Variants in CASP8 observed in about 807,000 individuals in gnomAD.
CASP8 encodes caspase 8.
Under a neutral mutation model 46.3 loss-of-function variants are expected in CASP8, and 24 were observed. The ratio of observed to expected loss-of-function variants is 0.52; its 90% CI spans 0.38 to 0.73. The LOEUF (loss-of-function observed/expected upper bound fraction) is 0.73. Among genes scored for constraint, CASP8 ranks in the 30% least tolerant of loss-of-function variants. The pLI, the probability that CASP8 is intolerant of heterozygous loss-of-function variation, is 0.00. For missense variants in CASP8, 460 were observed against 559.0 expected, an observed-to-expected ratio of 0.82 and a Z score of 1.79; for synonymous variants, 188 against 200.4, an observed-to-expected ratio of 0.94 and a Z score of 0.52.
chr2:201,282,592 G>A (rs1332603689), intron 7 of CASP8, among the ~76,000 whole-genome samples: 6 of 97,738 alleles, frequency 6.1e-5, no homozygotes, highest in East Asian at 3.2e-4. Flanking sequence ...CCTCCCGGAC[G>A]GGGCGGCTGG....
chr2:201,257,096 G>C (rs1947055124), upstream of CASP8, among the ~76,000 whole-genome samples: 1 of 152,026 alleles, frequency 6.6e-6, no homozygotes, highest in Non-Finnish European at 1.5e-5. Context: ...TGTGAGCCGA[G>C]ATGGCACCAT....
upstream of CASP8, among the ~76,000 whole-genome samples, chr2:201,258,609 T>A (rs1038706845): frequency 2.6e-5 from 4 of 152,190 alleles, no homozygotes; most frequent in Non-Finnish European, 5.9e-5. Context: ...GTTCCTCTGC[T>A]ACCTTTTTGT....
intron 1 of CASP8, among the ~76,000 whole-genome samples, chr2:201,263,093 C>G (rs76328633): frequency 6.6e-5 from 10 of 152,106 alleles, no homozygotes; most frequent in African/African-American, 1.9e-4. Flanking sequence ...GAGGACGGAG[C>G]TATGCGCCAA....
rs139904389 is a variant in CASP8, at chr2:201,251,320, C to T, written c.-26-15141C>T. ...GCGGTAAGCATATGCTTTGGCCAGG[C>T]GCGGTGGCTCATGACTGTGATCCCA... On this transcript the variant is annotated intron_variant, in intron 2 of 6. Coordinates refer to the CASP8 transcript ENST00000264274. 6.9e-3 allele frequency among the ~76,000 whole-genome samples: 1,044 copies of T among 152,200 alleles called. 14 individuals carry two copies. Among genetic ancestry groups the T allele is most frequent in the African/African-American group, 0.021 (892 of 41,520 alleles).
At chr2:201,239,317 G>A (rs1173312412) in intron 2 of CASP8, among the ~76,000 whole-genome samples, 1 of 152,104 alleles carries the variant, frequency 6.6e-6, no homozygotes, top group African/African-American at 2.4e-5. Context: ...CCGGGCAGAG[G>A]GGCTCCTCAC....
At chr2:201,279,630 A>T (rs1276213164) in intron 7 of CASP8, among the ~76,000 whole-genome samples, 1 of 152,352 alleles carries the variant, frequency 6.6e-6, no homozygotes, top group South Asian at 2.1e-4. Flanking sequence ...ATGGACAACC[A>T]AAGGTCAGCA....
chr2:201,251,871 C>T, intron 2 of CASP8, among the ~76,000 whole-genome samples: 1 of 151,826 alleles, frequency 6.6e-6, no homozygotes, highest in Non-Finnish European at 1.5e-5. Flanking sequence ...TGCCGTTGCA[C>T]TCCAGCCTGG....
chr2:201,270,222 T>C (rs965684949), intron 2 of CASP8, among the ~76,000 whole-genome samples: 3 of 152,234 alleles, frequency 2.0e-5, no homozygotes, highest in African/African-American at 7.2e-5. Flanking sequence ...ATAAATGTGA[T>C]AGGCATAGAT....
intron 2 of CASP8, among the ~76,000 whole-genome samples, chr2:201,269,967 A>G (rs1948126904): frequency 6.6e-6 from 1 of 152,192 alleles, no homozygotes; most frequent in South Asian, 2.1e-4. Context: ...TTAGATAAAC[A>G]CTTCTAGGGT....
chr2:201,238,928 T>C (rs1322991303), intron 2 of CASP8, among the ~76,000 whole-genome samples: 1 of 152,002 alleles, frequency 6.6e-6, no homozygotes, highest in Admixed American at 6.6e-5. Context: ...TCCGCAGTGT[T>C]TGTGTCCCTG....
chr2:201,268,144 C>CGAACTCCT (rs1947960495), intron 2 of CASP8, among the ~76,000 whole-genome samples: 1 of 152,070 alleles, frequency 6.6e-6, no homozygotes, highest in Non-Finnish European at 1.5e-5. Context: ...AGGCTGGTCT[C>CGAACTCCT]GAACTCCTGA....
chr2:201,251,975 C>T (rs148713686), intron 2 of CASP8, among the ~76,000 whole-genome samples: 165 of 152,164 alleles, frequency 1.1e-3, no homozygotes, highest in African/African-American at 3.8e-3. Flanking sequence ...TTCATTCCCA[C>T]GAGTAATGAA....
At chr2:201,235,987 C>A (rs1946030929) in intron 2 of CASP8, among the ~76,000 whole-genome samples, 1 of 152,190 alleles carries the variant, frequency 6.6e-6, no homozygotes, top group African/African-American at 2.4e-5. Flanking sequence ...GCTATACCAT[C>A]TAGGTTTTGC....
chr2:201,273,052 C>A (rs1948382719), intron 5 of CASP8, 110 bp downstream of exon 5: 191 of 645,986 alleles, frequency 3.0e-4, no homozygotes, highest in Non-Finnish European at 4.4e-4. Context: ...GCCTGCTCTA[C>A]TTTTTCTTTT....
chr2:201,281,688 GT>G (rs1171289728), intron 7 of CASP8: 8 of 365,398 alleles, frequency 2.2e-5, no homozygotes, highest in African/African-American at 4.8e-5. Context: ...AAATTGTTTT[GT>G]TTTTTTCTGA....
At chr2:201,251,817 G>C (rs959893637) in intron 2 of CASP8, among the ~76,000 whole-genome samples, 2 of 151,764 alleles carry the variant, frequency 1.3e-5, no homozygotes, top group African/African-American at 4.8e-5. Flanking sequence ...CAGGAGAATC[G>C]CTTGAACCCA....
upstream of CASP8, among the ~76,000 whole-genome samples, chr2:201,257,481 CAAA>C (rs375598463): frequency 8.2e-6 from 1 of 122,272 alleles, no homozygotes; most frequent in Non-Finnish European, 1.7e-5. Flanking sequence ...GACTCCGTCT[CAAA>C]AAAAAAAAAA....
rs1949602065 is a variant in CASP8, at chr2:201,287,195, T to G, written c.*601T>G. The G allele has an allele frequency of 6.5e-6, 1 of 154,852 alleles. No homozygotes were observed. Among genetic ancestry groups the G allele is most frequent in the Non-Finnish European group, 1.4e-5 (1 of 69,002 alleles). The allele number at this position is 154,852 out of a possible 1,614,324, so 9.6% of individuals were successfully genotyped here. A position where few individuals can be genotyped will look rare whatever the true frequency, so the allele number is the denominator to read the frequency against. On this transcript the variant is annotated 3_prime_UTR_variant, in exon 9 of 9. Transcript: ENST00000673742. ...AGCCCACTGTTAATATTCTATTAAC[T>G]TTAATTCTCTTTCAAAGCTAAATTC...
At chr2:201,263,713 T>G (rs1947591732) in intron 1 of CASP8, among the ~76,000 whole-genome samples, 1 of 152,234 alleles carries the variant, frequency 6.6e-6, no homozygotes, top group Non-Finnish European at 1.5e-5. Context: ...TTCTGTAAGA[T>G]GAGACTTTAA....
Sources: gnomAD v4.1 joint callset for allele counts (sites outside exome capture counted in the v4.1 genomes callset) on GRCh38, gnomAD v4.1.1 for gene constraint, MANE v1.5 for transcripts, NCBI Gene and HGNC (gene_info 2026-07-23, HGNC 2026-07-21) for gene names.